MADD: variants seen among roughly 807,000 people sequenced by gnomAD.
The protein encoded by MADD is MAP kinase-activating death domain protein.
MADD carries 109 observed loss-of-function variants against 176.7 expected under a neutral mutation model. The observed-to-expected ratio is 0.62, with a 90% CI of 0.53 to 0.72. The LOEUF (loss-of-function observed/expected upper bound fraction) is 0.72, where lower values mean the gene tolerates loss of function less well. MADD is among the 30% of genes least tolerant of loss of function. The pLI is 0.00. For synonymous variants in MADD, 771 were observed against 771.3 expected (o/e 1.00, Z 0.01); for missense variants, 1,914 against 2,045.5 (o/e 0.94, Z 1.24).
chr11:47,324,671 GA>G, intron 30 of MADD, 94 bp downstream of exon 33: 1 of 850,112 alleles, frequency 1.2e-6, no homozygotes, highest in Admixed American at 2.0e-5. Context: ...AAGCATGAGA[GA>G]GGGCCCTCTG....
At chr11:47,282,877 C>T in exon 10 of MADD, 2 of 1,614,200 alleles carry the variant, frequency 1.2e-6, no homozygotes, top group Non-Finnish European at 1.7e-6. Flanking sequence ...TGCAGCCTAT[C>T]CACTATCGCG....
intron 5 of MADD, among the ~76,000 whole-genome samples, chr11:47,277,579 G>A (rs981659718): frequency 9.9e-5 from 15 of 152,246 alleles, no homozygotes; most frequent in Non-Finnish European, 7.3e-5. Flanking sequence ...TTACAGGCAT[G>A]AGCCACCGTG....
intron 22 of MADD, among the ~76,000 whole-genome samples, chr11:47,307,571 T>C (rs1237540043): frequency 6.6e-6 from 1 of 152,200 alleles, no homozygotes; most frequent in Non-Finnish European, 1.5e-5. Flanking sequence ...CTTTGATCAG[T>C]TGCCTCTCTA....
exon 4 of MADD, chr11:47,276,113 C>G (rs2049579665): frequency 6.2e-7 from 1 of 1,614,118 alleles, no homozygotes; most frequent in South Asian, 1.1e-5. Flanking sequence ...TCGATTCACC[C>G]TAGTGGATTT....
At chr11:47,296,418 A>G (rs530895175) in intron 22 of MADD, among the ~76,000 whole-genome samples, 13 of 152,348 alleles carry the variant, frequency 8.5e-5, no homozygotes, top group African/African-American at 2.4e-4. Flanking sequence ...GCCTATTTCT[A>G]TGGACTATCC....
At chr11:47,287,432 G>A (rs1351518999) in intron 15 of MADD, among the ~76,000 whole-genome samples, 2 of 152,204 alleles carry the variant, frequency 1.3e-5, no homozygotes, top group African/African-American at 4.8e-5. Context: ...TTCTGAGACA[G>A]TGTCACTCCG....
At chr11:47,284,832 T>TGGCTAGAAA (rs2059488170) in intron 12 of MADD, 109 bp from the exon 13 acceptor site, 4 of 1,468,176 alleles carry the variant, frequency 2.7e-6, no homozygotes, top group Non-Finnish European at 3.7e-6. Flanking sequence ...TTCCCACACA[T>TGGCTAGAAA]TCCTTAGGCT....
chr11:47,291,653 C>A (rs1650369828), intron 19 of MADD, among the ~76,000 whole-genome samples: 1 of 152,186 alleles, frequency 6.6e-6, no homozygotes, highest in Non-Finnish European at 1.5e-5. Flanking sequence ...CAGTCAACTC[C>A]TGGCTTTCTC....
chr11:47,295,834 C>T, intron 21 of MADD, 63 bp from the exon 24 acceptor site: 1 of 1,558,882 alleles, frequency 6.4e-7, no homozygotes, highest in Non-Finnish European at 8.7e-7. Context: ...GGAGCTCTAA[C>T]AGCTTGGTAT....
At chr11:47,328,855 T>C (rs2095762089) in intron 32 of MADD, 151 bp downstream of exon 36, 10 of 1,095,300 alleles carry the variant, frequency 9.1e-6, no homozygotes, top group Admixed American at 6.2e-5. Flanking sequence ...GAAACAGGTC[T>C]TGAGCCCTGA....
intron 16 of MADD, 38 bp from the exon 18 acceptor site, chr11:47,289,829 G>T (rs1252074814): frequency 6.2e-7 from 1 of 1,607,832 alleles, no homozygotes; most frequent in African/African-American, 1.3e-5. Context: ...CTCTGCAAAG[G>T]AGCTGATGAC....
intron 1 of MADD, among the ~76,000 whole-genome samples, chr11:47,271,558 C>T (rs892963884): frequency 2.0e-5 from 3 of 152,080 alleles, no homozygotes; most frequent in Non-Finnish European, 2.9e-5. Flanking sequence ...AGGCCTGATG[C>T]GTACTCAGTA....
In MADD at chr11:47,305,691, G is replaced by T. The variant is rs118113107; in HGVS notation, c.3643-2900G>T. Among the ~76,000 whole-genome samples the T allele has an allele frequency of 5.8e-4, 89 of 152,234 alleles. No individual in the cohort carries two copies. The East Asian group carries it at 0.016, about 28-fold the overall frequency. ...GTGGCAGAGCACAGCTGTCATTTGG[G>T]CCCTGGGGGTCAGGGAGCAGCACAG... On this transcript the variant is annotated intron_variant, in intron 22 of 32. Coordinates refer to ENST00000402192, the Ensembl canonical transcript of MADD.
chr11:47,290,376 C>T (rs1287060899), intron 18 of MADD, 77 bp downstream of exon 19: 1 of 1,540,178 alleles, frequency 6.5e-7, no homozygotes, highest in African/African-American at 1.4e-5. Context: ...TATATGTGTA[C>T]CCAGGACACG....
intron 31 of MADD, chr11:47,327,990 C>G: frequency 2.0e-6 from 2 of 985,316 alleles, no homozygotes; most frequent in South Asian, 9.4e-5. Flanking sequence ...TCCCTGTCAC[C>G]TCCCTCCCTG....
chr11:47,275,752 C>A, intron 3 of MADD, 147 bp from the exon 4 acceptor site: 1 of 737,440 alleles, frequency 1.4e-6, no homozygotes, highest in Non-Finnish European at 2.2e-6. Flanking sequence ...ATATACTTTC[C>A]GGTCCTATCT....
chr11:47,276,913 A>C (rs751016058), intron 5 of MADD, 50 bp downstream of exon 5: 2 of 1,602,474 alleles, frequency 1.2e-6, no homozygotes, highest in Non-Finnish European at 1.7e-6. Flanking sequence ...TTCCTGAGGG[A>C]GGAGGCTTAA....
At chr11:47,285,834 A>G (rs2060237869) in intron 14 of MADD, among the ~76,000 whole-genome samples, 1 of 152,210 alleles carries the variant, frequency 6.6e-6, no homozygotes, top group African/African-American at 2.4e-5. Context: ...TGGATGGGTA[A>G]CTGGAAAACA....
At position 47,293,420 on chromosome 11, in the gene MADD, A is replaced by G. The variant is rs554495038; in HGVS notation, c.3302-463A>G. Among the ~76,000 whole-genome samples the G allele has an allele frequency of 3.2e-4, 48 of 150,930 alleles. No homozygotes were observed. In the East Asian group the frequency reaches 8.4e-3, roughly 26 times the overall value. On this transcript the variant is annotated intron_variant, in intron 19 of 32. Transcript: ENST00000402192. ...GGGCTCAAGCAATTGTCGTGCCTCAACCTCCCGAGTAGCTGAGATTACAGG... is the reference window on the plus strand; with the variant it reads ...GGGCTCAAGCAATTGTCGTGCCTCAGCCTCCCGAGTAGCTGAGATTACAGG...
Sources: allele counts gnomAD v4.1 joint callset (sites outside exome capture counted in the v4.1 genomes callset), GRCh38; gene constraint gnomAD v4.1.1; transcripts MANE v1.5; gene names NCBI Gene and HGNC (gene_info 2026-07-23, HGNC 2026-07-21).